Variants in CHCHD6 observed in about 807,000 individuals in gnomAD.
The protein encoded by CHCHD6 is coiled-coil-helix-coiled-coil-helix domain containing 6.
CHCHD6 carries 28 observed loss-of-function variants against 32.3 expected under a neutral mutation model. That is an observed-to-expected ratio of 0.87 (90% CI 0.64 to 1.19). The LOEUF (loss-of-function observed/expected upper bound fraction) is 1.19. Among genes scored for constraint, CHCHD6 ranks in the 50% most tolerant of loss-of-function variants. The pLI is 0.00. For synonymous variants in CHCHD6, 122 were observed against 117.5 expected (o/e 1.04, Z -0.25); for missense variants, 333 against 307.0 (o/e 1.08, Z -0.63).
chr3:126,872,278 A>G (rs1415037012), intron 5 of CHCHD6, among the ~76,000 whole-genome samples: 1 of 152,160 alleles, frequency 6.6e-6, no homozygotes, highest in Admixed American at 6.5e-5. Flanking sequence ...GGGCCAGCCT[A>G]TAGACCCAGC....
At chr3:126,767,040 T>G (rs1937400583) in intron 4 of CHCHD6, 2 of 912,746 alleles carry the variant, frequency 2.2e-6, no homozygotes, top group Middle Eastern at 2.7e-4. Context: ...TCAATGAAGA[T>G]GGTCACTCAA....
intron 4 of CHCHD6, among the ~76,000 whole-genome samples, chr3:126,771,844 C>T (rs367666062): frequency 2.4e-4 from 36 of 152,254 alleles, no homozygotes; most frequent in African/African-American, 7.9e-4. Context: ...TATCTTTGTT[C>T]TCATTAGTTT....
chr3:126,742,194 A>T (rs1316316102), intron 4 of CHCHD6, among the ~76,000 whole-genome samples: 4 of 152,228 alleles, frequency 2.6e-5, no homozygotes, highest in Non-Finnish European at 4.4e-5. Context: ...GCATTCAGCA[A>T]TAGCTCAGCT....
At chr3:126,747,401 A>G (rs1936550442) in intron 4 of CHCHD6, among the ~76,000 whole-genome samples, 1 of 152,194 alleles carries the variant, frequency 6.6e-6, no homozygotes, top group African/African-American at 2.4e-5. Context: ...TCATAAGGTT[A>G]GTATGGGGTT....
At chr3:126,730,231 C>A (rs1019548046) in intron 2 of CHCHD6, among the ~76,000 whole-genome samples, 1 of 152,194 alleles carries the variant, frequency 6.6e-6, no homozygotes, top group Non-Finnish European at 1.5e-5. Context: ...GCAGCCACTC[C>A]TGGCCTGTGC....
intron 4 of CHCHD6, among the ~76,000 whole-genome samples, chr3:126,797,567 C>T (rs1044846327): frequency 4.6e-5 from 7 of 152,184 alleles, no homozygotes; most frequent in Non-Finnish European, 8.8e-5. Context: ...TAATGCCTAT[C>T]TTGGGACCTT....
At chr3:126,865,622 G>T (rs980603606) in intron 5 of CHCHD6, 1 of 985,004 alleles carries the variant, frequency 1.0e-6, no homozygotes, top group Non-Finnish European at 1.2e-6. Context: ...CCACCATTTT[G>T]ATTGCTGCTG....
intron 5 of CHCHD6, among the ~76,000 whole-genome samples, chr3:126,857,205 A>G (rs181486219): frequency 4.5e-4 from 69 of 152,266 alleles, no homozygotes; most frequent in African/African-American, 1.6e-3. Context: ...AGGATGCCAG[A>G]TGGGAGGATG....
chr3:126,917,310 G>A (rs775094549), intron 6 of CHCHD6, among the ~76,000 whole-genome samples: 15 of 152,198 alleles, frequency 9.9e-5, no homozygotes, highest in African/African-American at 1.7e-4. Context: ...CCTTTTGTCC[G>A]TGGTCACAGC....
At chr3:126,863,395 TCCTCCTCCTCCTCTACCATCATCA>T (rs1942042358) in intron 5 of CHCHD6, among the ~76,000 whole-genome samples, 1 of 111,904 alleles carries the variant, frequency 8.9e-6, no homozygotes, top group Non-Finnish European at 1.8e-5. Context: ...CATCACCACC[TCCTCCTCCTCCTCTACCATCATCA>T]CCTCCTCCTC....
At chr3:126,856,675 C>A (rs1941676598) in intron 5 of CHCHD6, among the ~76,000 whole-genome samples, 1 of 152,222 alleles carries the variant, frequency 6.6e-6, no homozygotes, top group Non-Finnish European at 1.5e-5. Flanking sequence ...AGAACCCCCA[C>A]ACTTTATCGT....
chr3:126,830,046 C>T lies in CHCHD6; in HGVS notation c.412-22601C>T, dbSNP rs192388941. Among the ~76,000 whole-genome samples, 7 of 152,146 alleles carry T rather than the reference C, an allele frequency of 4.6e-5. No homozygotes were observed. The East Asian group carries it at 1.2e-3, about 25-fold the overall frequency. ...TCAGGAGGCAGAGGTTGCAGTGAGCCGAGATCGCACCACTGCACTCCAGCT... is the reference window on the plus strand; with the variant it reads ...TCAGGAGGCAGAGGTTGCAGTGAGCTGAGATCGCACCACTGCACTCCAGCT... On this transcript the variant is annotated intron_variant, in intron 4 of 7. Coordinates refer to ENST00000290913, the MANE Select transcript of CHCHD6 (RefSeq NM_032343.3).
At chr3:126,934,579 C>T (rs1031554838) in intron 6 of CHCHD6, among the ~76,000 whole-genome samples, 3 of 125,660 alleles carry the variant, frequency 2.4e-5, no homozygotes, top group Admixed American at 1.9e-4. Flanking sequence ...GACTGAGTCT[C>T]GCTCTGTCGC....
At chr3:126,815,852 C>T (rs774944243) in intron 4 of CHCHD6, among the ~76,000 whole-genome samples, 4 of 152,214 alleles carry the variant, frequency 2.6e-5, no homozygotes, top group Admixed American at 6.5e-5. Flanking sequence ...CTCATCCTAG[C>T]TTTCCTCAAG....
intron 6 of CHCHD6, among the ~76,000 whole-genome samples, chr3:126,915,781 A>G (rs942301324): frequency 1.3e-5 from 2 of 152,200 alleles, no homozygotes; most frequent in African/African-American, 2.4e-5. Flanking sequence ...ACAGGGAACA[A>G]TGTAGGCTGG....
chr3:126,886,816 TC>T (rs1370976859), intron 5 of CHCHD6, among the ~76,000 whole-genome samples: 3 of 152,112 alleles, frequency 2.0e-5, no homozygotes, highest in Non-Finnish European at 4.4e-5. Context: ...CCAGCCCTTT[TC>T]CCAGGCCAGT....
chr3:126,897,530 G>C (rs2107581113), intron 5 of CHCHD6, among the ~76,000 whole-genome samples: 1 of 152,314 alleles, frequency 6.6e-6, no homozygotes, highest in Middle Eastern at 3.4e-3. Flanking sequence ...GTTGCAGAAA[G>C]TGTAGGCAGT....
chr3:126,805,483 C>A (rs1008431307), intron 4 of CHCHD6, among the ~76,000 whole-genome samples: 4 of 152,132 alleles, frequency 2.6e-5, no homozygotes, highest in Admixed American at 1.3e-4. Flanking sequence ...ACTTAGGAAT[C>A]CAACTTACAA....
At chr3:126,767,200 G>T (rs1937408844) in intron 4 of CHCHD6, 1 of 1,585,370 alleles carries the variant, frequency 6.3e-7, no homozygotes, top group Non-Finnish European at 8.7e-7. Flanking sequence ...CAGCCCCAAA[G>T]GCCATTTTGG....
Sources: gnomAD v4.1 joint callset for allele counts (sites outside exome capture counted in the v4.1 genomes callset) on GRCh38, gnomAD v4.1.1 for gene constraint, MANE v1.5 for transcripts, NCBI Gene and HGNC (gene_info 2026-07-23, HGNC 2026-07-21) for gene names.